Variants in WDFY4 observed in about 807,000 individuals in gnomAD.
WDFY4 encodes WD repeat- and FYVE domain-containing protein 4.
In WDFY4, 169 loss-of-function variants were observed where a neutral mutation model predicts 351.9. The ratio of observed to expected loss-of-function variants is 0.48; its 90% CI spans 0.42 to 0.55. The LOEUF (loss-of-function observed/expected upper bound fraction) is 0.55. Among genes scored for constraint, WDFY4 ranks in the 20% least tolerant of loss-of-function variants. The pLI is 0.00. For synonymous variants in WDFY4, 1,622 were observed against 1,574.6 expected, an observed-to-expected ratio of 1.03 and a Z score of -0.71; for missense variants, 3,803 against 3,935.6, an observed-to-expected ratio of 0.97 and a Z score of 0.90.
At chr10:48,913,767 A>G (rs771991973) in intron 47 of WDFY4, 1 of 1,614,004 alleles carries the variant, frequency 6.2e-7, no homozygotes, top group Non-Finnish European at 8.5e-7. Context: ...CAGGTGGTTC[A>G]AGCCTAGGTT....
intron 30 of WDFY4, among the ~76,000 whole-genome samples, chr10:48,812,479 C>T (rs1016886287): frequency 2.6e-5 from 4 of 152,078 alleles, no homozygotes; most frequent in South Asian, 2.1e-4. Flanking sequence ...CGTGACCCAC[C>T]GCACCCGGCC....
chr10:48,724,281 G>A (rs1439913762), intron 5 of WDFY4, among the ~76,000 whole-genome samples: 1 of 152,140 alleles, frequency 6.6e-6, no homozygotes, highest in Non-Finnish European at 1.5e-5. Context: ...CAGAGCAGGT[G>A]CCTGTGACTG....
At chr10:48,936,013 T>C (rs944022586) in intron 47 of WDFY4, among the ~76,000 whole-genome samples, 1 of 151,784 alleles carries the variant, frequency 6.6e-6, no homozygotes, top group African/African-American at 2.4e-5. Context: ...TGGAAAAAAA[T>C]TTGAAAATGT....
chr10:48,712,416 C>G (rs765404298), intron 2 of WDFY4, among the ~76,000 whole-genome samples: 4 of 152,226 alleles, frequency 2.6e-5, no homozygotes, highest in Non-Finnish European at 5.9e-5. Context: ...ACTGCTGACA[C>G]AATCTGCTAC....
At chr10:48,863,209 C>T (rs2069407126) in intron 39 of WDFY4, among the ~76,000 whole-genome samples, 1 of 152,094 alleles carries the variant, frequency 6.6e-6, no homozygotes, top group African/African-American at 2.4e-5. Flanking sequence ...GGGTGTATAC[C>T]TGAGAATGGA....
chr10:48,883,053 C>T (rs1177476111), intron 43 of WDFY4, among the ~76,000 whole-genome samples: 1 of 152,230 alleles, frequency 6.6e-6, no homozygotes, highest in Non-Finnish European at 1.5e-5. Flanking sequence ...ATAACCTTTC[C>T]AGCACCCTGT....
rs113771683 is a variant in WDFY4 at position 48,805,630 on chromosome 10, A to G, written c.4646+209A>G. Among the ~76,000 whole-genome samples, 1,089 of 152,298 alleles carry G rather than the reference A, an allele frequency of 7.2e-3. 13 individuals carry two copies. Among genetic ancestry groups the G allele is most frequent in the African/African-American group, 0.025 (1,031 of 41,542 alleles). ...GTTTCCCCAGCAGGGCTGTGTGTTT[A>G]CTGTTCCCACTGCTCAGGCTCCCCC... On this transcript the variant is annotated intron_variant, in intron 26 of 61. Coordinates refer to ENST00000325239, the MANE Select transcript of WDFY4 (RefSeq NM_001394531.1).
At chr10:48,811,055 A>G (rs548327952) in intron 29 of WDFY4, among the ~76,000 whole-genome samples, 1 of 152,210 alleles carries the variant, frequency 6.6e-6, no homozygotes, top group Non-Finnish European at 1.5e-5. Flanking sequence ...ATTCATCCTG[A>G]GATCTCAGTT....
At chr10:48,872,267 C>T (rs912604900) in intron 40 of WDFY4, among the ~76,000 whole-genome samples, 35 of 152,218 alleles carry the variant, frequency 2.3e-4, no homozygotes, top group African/African-American at 8.2e-4. Flanking sequence ...ATATCATGCA[C>T]TCATAAAATA....
chr10:48,749,443 A>G (rs2065113840), intron 12 of WDFY4, among the ~76,000 whole-genome samples: 1 of 152,066 alleles, frequency 6.6e-6, no homozygotes, highest in Non-Finnish European at 1.5e-5. Context: ...CACAGCACCT[A>G]GCACATACAC....
Position 48,830,804 on chromosome 10 carries a change from C to T in WDFY4, c.6445C>T (p.Pro2149Ser). 1 of 1,551,680 alleles carries T rather than the reference C, an allele frequency of 6.4e-7. No homozygotes were observed. Among genetic ancestry groups the T allele is most frequent in the Non-Finnish European group, 8.7e-7 (1 of 1,146,972 alleles). ...CTTCAAGATCGATCTCTCTGTGAAA[C>T]CTGGAGAGAGGGAAGTGAAGATTGA... The part of the protein sequence containing the change: ...DAFKIDLSVK[P>S]GEREVKIEEV... The change falls in exon 38 of 62, where the codon CCT becomes TCT. Residue 2149 changes from proline (P) to serine (S), a missense_variant. Physicochemically the swap from Pro to Ser is moderately conservative, Grantham distance 74 (BLOSUM62 -1). Around this residue, in one of 3 missense-constraint regions of WDFY4, gnomAD observed 3,054 missense variants for 3,148.6 expected, o/e 0.97. Transcript: ENST00000325239.
intron 47 of WDFY4, among the ~76,000 whole-genome samples, chr10:48,932,932 C>A (rs549262988): frequency 6.6e-6 from 1 of 152,054 alleles, no homozygotes; most frequent in Admixed American, 6.5e-5. Context: ...GAGGGGAGGG[C>A]GAAGAGCTGA....
At chr10:48,698,404 T>A (rs2063388955) in intron 1 of WDFY4, among the ~76,000 whole-genome samples, 1 of 152,226 alleles carries the variant, frequency 6.6e-6, no homozygotes, top group Non-Finnish European at 1.5e-5. Context: ...AGCTTTCTAG[T>A]GGGTGGGCCT....
In WDFY4 at chr10:48,704,599, G is replaced by A. The variant is rs181990833; in HGVS notation, c.-17-5117G>A. Among the ~76,000 whole-genome samples, 596 of 152,276 alleles carry A rather than the reference G, an allele frequency of 3.9e-3. 5 individuals carry two copies. Among genetic ancestry groups the A allele is most frequent in the South Asian group, 0.015 (73 of 4,824 alleles). ...CAAGTCTTCCCCAGCCTGTGTGACC[G>A]GGTATAGTAGTTTGCCAAGCCCCTC... On this transcript the variant is annotated intron_variant, in intron 1 of 61. Transcript: ENST00000325239.
At position 48,803,285 on chromosome 10, in the gene WDFY4, G is replaced by T; in HGVS notation, c.4411-1G>T. ...AGCATGTGTTTTGTTTTGTCTTCCA[G>T]CTCTGGATGAATACTGCAGACAATC... On this transcript the variant is annotated splice_acceptor_variant, in intron 24 of 61. Transcript: ENST00000325239. LOFTEE classifies it high-confidence loss of function. 6.4e-7 allele frequency: 1 copy of T among 1,551,856 alleles called. No homozygotes were observed. The highest frequency in any genetic ancestry group is 8.7e-7 in the Non-Finnish European group (1 of 1,147,004).
At chr10:48,749,501 C>T (rs2065115682) in intron 12 of WDFY4, among the ~76,000 whole-genome samples, 1 of 152,012 alleles carries the variant, frequency 6.6e-6, no homozygotes, top group African/African-American at 2.4e-5. Flanking sequence ...ATACAGACAC[C>T]ACACGACACA....
At chr10:48,958,075 C>T (rs1332265608) in intron 52 of WDFY4, among the ~76,000 whole-genome samples, 1 of 152,210 alleles carries the variant, frequency 6.6e-6, no homozygotes, top group Non-Finnish European at 1.5e-5. Context: ...CTCCTTCTGC[C>T]TCCGGACAGC....
At chr10:48,856,783 T>G (rs2069149152) in intron 39 of WDFY4, among the ~76,000 whole-genome samples, 1 of 152,180 alleles carries the variant, frequency 6.6e-6, no homozygotes, top group African/African-American at 2.4e-5. Flanking sequence ...AAATATTGGT[T>G]CCCTGAGTTA....
intron 39 of WDFY4, among the ~76,000 whole-genome samples, chr10:48,833,568 C>A (rs893946836): frequency 5.9e-5 from 9 of 152,172 alleles, no homozygotes; most frequent in African/African-American, 2.2e-4. Flanking sequence ...GAAATAGACT[C>A]CACCTTCTCA....
Sources: allele counts gnomAD v4.1 joint callset (sites outside exome capture counted in the v4.1 genomes callset), GRCh38; gene constraint gnomAD v4.1.1; regional missense constraint gnomAD v4.1.1; transcripts MANE v1.5; gene names NCBI Gene and HGNC (gene_info 2026-07-23, HGNC 2026-07-21).